Variants in ACER1 observed in about 807,000 individuals in gnomAD.
The protein encoded by ACER1 is CTB-180A7.3.
Under a neutral mutation model 24.9 loss-of-function variants are expected in ACER1, and 28 were observed. The observed-to-expected ratio is 1.13, with a 90% confidence interval of 0.83 to 1.54. The LOEUF is 1.54. Among genes scored for constraint, ACER1 ranks in the 40% most tolerant of loss-of-function variants. The pLI, the probability that ACER1 is intolerant of heterozygous loss-of-function variation, is 0.00. For missense variants in ACER1, 352 were observed against 349.3 expected (o/e 1.01, Z -0.06); for synonymous variants, 132 against 131.4 (o/e 1.00, Z -0.03).
the ACER1 span, among the ~76,000 whole-genome samples, chr19:6,358,950 A>AAAAAAAAAAT: frequency 6.7e-6 from 1 of 150,276 alleles, no homozygotes; most frequent in South Asian, 2.1e-4. Context: ...AAAAAAAAAA[A>AAAAAAAAAAT]GAGTCCAGCT....
chr19:6,318,047 C>T (rs374930959), intron 1 of ACER1, among the ~76,000 whole-genome samples: 13 of 152,086 alleles, frequency 8.5e-5, no homozygotes, highest in African/African-American at 2.7e-4. Context: ...TCAGGCTGGG[C>T]GCGGTGGCTC....
At chr19:6,337,303 AAAAAG>A (rs1219051313), upstream of ACER1, among the ~76,000 whole-genome samples, 3 of 152,146 alleles carry the variant, frequency 2.0e-5, no homozygotes, top group East Asian at 1.9e-4. Context: ...GACTTTGACA[AAAAAG>A]AAAAGAAAAG....
upstream of ACER1, among the ~76,000 whole-genome samples, chr19:6,338,245 G>A (rs991538043): frequency 1.3e-5 from 2 of 152,188 alleles, no homozygotes; most frequent in Admixed American, 6.5e-5. Flanking sequence ...TCTCACCTTC[G>A]CCTCCCAAGT....
chr19:6,316,382 G>T (rs2091603170), intron 1 of ACER1, among the ~76,000 whole-genome samples: 1 of 152,152 alleles, frequency 6.6e-6, no homozygotes, highest in South Asian at 2.1e-4. Context: ...GAGGCTGCAG[G>T]AGCTGTGATT....
At chr19:6,323,804 G>A (rs956402372) in intron 1 of ACER1, among the ~76,000 whole-genome samples, 8 of 152,140 alleles carry the variant, frequency 5.3e-5, no homozygotes, top group Non-Finnish European at 1.0e-4. Context: ...AGGCATGAGT[G>A]GATCTCACAT....
the ACER1 span, among the ~76,000 whole-genome samples, chr19:6,351,106 C>T: frequency 7.2e-5 from 11 of 152,246 alleles, no homozygotes; most frequent in African/African-American, 2.6e-4. Flanking sequence ...GTGGCTCACG[C>T]CTGTAATCTC....
chr19:6,341,297 G>A, the ACER1 span, among the ~76,000 whole-genome samples: 8,407 of 149,728 alleles, frequency 0.056, 393 homozygotes, highest in African/African-American at 0.13. Context: ...GCAACAGAGC[G>A]AGACTCCATC....
At chr19:6,340,538 T>A in the ACER1 span, among the ~76,000 whole-genome samples, 1 of 152,136 alleles carries the variant, frequency 6.6e-6, no homozygotes, top group Non-Finnish European at 1.5e-5. Flanking sequence ...CCCTGACTCC[T>A]TCCCCATGGA....
intron 5 of ACER1, 123 bp from the exon 6 acceptor site, chr19:6,307,005 G>A: frequency 6.7e-7 from 1 of 1,487,736 alleles, no homozygotes; most frequent in East Asian, 2.3e-5. Context: ...CTGGCCCCGT[G>A]ACTGCAGCCT....
the ACER1 span, among the ~76,000 whole-genome samples, chr19:6,346,620 A>G: frequency 8.0e-5 from 12 of 149,798 alleles, no homozygotes; most frequent in Non-Finnish European, 1.6e-4. Flanking sequence ...GGCTGGAGCA[A>G]TCATCACACC....
the ACER1 span, among the ~76,000 whole-genome samples, chr19:6,355,642 C>G: frequency 7.4e-6 from 1 of 135,010 alleles, no homozygotes; most frequent in Non-Finnish European, 1.6e-5. Context: ...GCCCCCCGCC[C>G]GGCCAGCCGC....
At position 6,324,987 on chromosome 19, in the gene ACER1, A is replaced by T. The variant is rs988076937; in HGVS notation, c.93+8472T>A. Among the ~76,000 whole-genome samples, 5 of 152,096 alleles carry T rather than the reference A, an allele frequency of 3.3e-5. No homozygotes were observed. In the South Asian group the frequency reaches 1.0e-3, roughly 32 times the overall value. On this transcript the variant is annotated intron_variant, in intron 1 of 5. Transcript: ENST00000301452. Reference sequence around the variant, plus strand: ...CACCTGGAGGCCACCAGGCCAATGCAAGCAGGAGCAAACTGACGGAGCCCA... The same window carrying T: ...CACCTGGAGGCCACCAGGCCAATGCTAGCAGGAGCAAACTGACGGAGCCCA...
chr19:6,323,821 T>G (rs2145011302), intron 1 of ACER1, among the ~76,000 whole-genome samples: 1 of 152,222 alleles, frequency 6.6e-6, no homozygotes, highest in African/African-American at 2.4e-5. Flanking sequence ...ACATCCATAC[T>G]TGTAATTTAG....
chr19:6,327,679 T>A (rs1453859570), intron 1 of ACER1, among the ~76,000 whole-genome samples: 1 of 152,034 alleles, frequency 6.6e-6, no homozygotes, highest in Non-Finnish European at 1.5e-5. Context: ...GTATCATGTG[T>A]CCCACAAGCT....
Position 6,312,268 on chromosome 19 carries a change from G to A in ACER1, c.231C>T (p.His77=). ...GCTGGCCCAGGAAGCTGAGCGTCAT[G>A]TGGAAATACATGGAGAACAGGCCTG... ...MIIGLFSMYF[H]MTLSFLGQLL... is the part of the protein sequence containing the mutation. The change falls in exon 3 of 6, where the codon CAC becomes CAT. Residue 77 remains histidine, a synonymous_variant. Coordinates refer to ENST00000301452, the MANE Select transcript of ACER1 (RefSeq NM_133492.3). The A allele has an allele frequency of 6.2e-7, 1 of 1,614,120 alleles. No homozygotes were observed. The highest frequency in any genetic ancestry group is 8.5e-7 in the Non-Finnish European group (1 of 1,179,982).
At chr19:6,308,132 C>T (rs138519623) in intron 4 of ACER1, among the ~76,000 whole-genome samples, 1 of 151,606 alleles carries the variant, frequency 6.6e-6, no homozygotes, top group Non-Finnish European at 1.5e-5. Context: ...AAATTAAACA[C>T]CTTCGAATAT....
the ACER1 span, among the ~76,000 whole-genome samples, chr19:6,339,082 A>G: frequency 6.6e-6 from 1 of 150,648 alleles, no homozygotes; most frequent in Non-Finnish European, 1.5e-5. Context: ...TCAGCATGTT[A>G]GCCAGGCTGG....
the ACER1 span, among the ~76,000 whole-genome samples, chr19:6,344,284 A>C: frequency 6.6e-5 from 10 of 150,756 alleles, no homozygotes; most frequent in Non-Finnish European, 5.9e-5. Context: ...ATATATATAA[A>C]TATATATATA....
intron 3 of ACER1, among the ~76,000 whole-genome samples, chr19:6,310,588 AAGGGTCCT>A (rs1457404453): frequency 1.3e-5 from 2 of 150,698 alleles, no homozygotes; most frequent in African/African-American, 4.9e-5. Flanking sequence ...CAACAAGAAA[AAGGGTCCT>A]AGCCCGGCAC....
Sources: gnomAD v4.1 joint callset for allele counts (sites outside exome capture counted in the v4.1 genomes callset) on GRCh38, gnomAD v4.1.1 for gene constraint, MANE v1.5 for transcripts, NCBI Gene and HGNC (gene_info 2026-07-23, HGNC 2026-07-21) for gene names.